HAPLN3: variants seen among roughly 807,000 people sequenced by gnomAD.
HAPLN3 encodes the protein hyaluronan and proteoglycan link protein 3, also known as extracellular link domain containing, 1.
In HAPLN3, 28 loss-of-function variants were observed where a neutral mutation model predicts 28.1. The observed-to-expected ratio is 1.00, with a 90% CI of 0.74 to 1.37. HAPLN3 has a LOEUF of 1.37. Among genes scored for constraint, HAPLN3 ranks in the 40% most tolerant of loss-of-function variants. The probability of loss-of-function intolerance (pLI) is 0.00; values close to 1 mark genes in which losing one functional copy is unlikely to be tolerated. For synonymous variants in HAPLN3, 211 were observed against 213.1 expected (o/e 0.99, Z 0.09); for missense variants, 513 against 504.6 (o/e 1.02, Z -0.16).
intron 2 of HAPLN3, among the ~76,000 whole-genome samples, chr15:88,885,924 A>G (rs183272278): frequency 2.6e-5 from 4 of 152,270 alleles, no homozygotes; most frequent in African/African-American, 9.6e-5. Context: ...TGACCTGGAC[A>G]ACTGGATCAA....
In HAPLN3 at chr15:88,879,131, C is replaced by A; in HGVS notation, c.632G>T (p.Trp211Leu). ...ATCCTGCAGCCAGCCCGCGTTGCAC[C>A]AGTCCAGGCCCTCCTCCCAGGCCCG... ...LFRAWEEGLD[W>L]CNAGWLQDAT... is the part of the protein sequence containing the mutation. The change falls in exon 4 of 5, where the codon TGG becomes TTG. Residue 211 changes from tryptophan to leucine, a missense_variant. Coordinates refer to ENST00000359595, the MANE Select transcript of HAPLN3 (RefSeq NM_178232.4). The surrounding 1 kb of genome is among the most constrained non-coding windows in gnomAD (Gnocchi z 5.0). 6.2e-7 allele frequency: 1 copy of A among 1,613,610 alleles called. No homozygotes were observed. Among genetic ancestry groups the A allele is most frequent in the African/African-American group, 1.3e-5 (1 of 75,072 alleles).
Position 88,888,214 on chromosome 15 carries a change from C to A in HAPLN3, c.-47-869G>T, listed in dbSNP as rs996799018. ...TCAAGAAATTCTCCTGCCTCAGCCT[C>A]CCGAGTAGCTGGGACTACAGGTGCG... is the stretch of plus-strand genomic sequence containing the variant. On this transcript the variant is annotated intron_variant, in intron 1 of 4. Transcript: ENST00000359595. The surrounding 1 kb of genome is among the most constrained non-coding windows in gnomAD (Gnocchi z 4.1). Among the ~76,000 whole-genome samples, 1 of 151,436 alleles carries A rather than the reference C, an allele frequency of 6.6e-6. No individual in the cohort carries two copies.
At position 88,877,641 on chromosome 15, in the gene HAPLN3, C is replaced by T. The variant is rs1024655327; in HGVS notation, c.*329G>A. On this transcript the variant is annotated 3_prime_UTR_variant, in exon 5 of 5. Coordinates refer to ENST00000359595, the MANE Select transcript of HAPLN3 (RefSeq NM_178232.4). This position sits in a 1 kb window ranked among gnomAD's most constrained non-coding sequence, Gnocchi z 5.1. ...ACTGTGCCCACCATGCCCGGACTCC[C>T]GGCGGCATTCTAGACAGGCCACCGC... 23 of 245,710 alleles carry T rather than the reference C, an allele frequency of 9.4e-5. No individual in the cohort carries two copies. The highest frequency in any genetic ancestry group is 3.8e-4 in the East Asian group (4 of 10,526). 15.2% of individuals were successfully genotyped at this position (245,710 alleles called of 1,614,324 possible).
Position 88,881,353 on chromosome 15 carries a change from T to C in HAPLN3, c.493+4A>G, listed in dbSNP as rs769842936. Reference sequence around the variant, plus strand: ...GTGTCACCCAGTCCCCGTTAGCATCTCACCCCGCAGCTCCAGCTCCACCAG... The same window carrying C: ...GTGTCACCCAGTCCCCGTTAGCATCCCACCCCGCAGCTCCAGCTCCACCAG... On this transcript the variant is annotated splice_donor_region_variant and intron_variant, in intron 3 of 4. Coordinates refer to ENST00000359595, the MANE Select transcript of HAPLN3 (RefSeq NM_178232.4). This position sits in a 1 kb window ranked among gnomAD's most constrained non-coding sequence, Gnocchi z 6.0. 1.2e-6 allele frequency: 2 copies of C among 1,607,514 alleles called. No homozygotes were observed. The highest frequency in any genetic ancestry group is 1.7e-6 in the Non-Finnish European group (2 of 1,176,634).
In HAPLN3 at chr15:88,887,233, G is replaced by A. The variant is rs370212980; in HGVS notation, c.66C>T (p.Asn22=). The A allele has an allele frequency of 2.1e-5, 34 of 1,614,052 alleles. No homozygotes were observed. The highest frequency in any genetic ancestry group is 1.6e-4 in the Middle Eastern group (1 of 6,084). Residue 22 remains asparagine (N), a synonymous_variant, in exon 2 of 5, where the codon AAC becomes AAT. Transcript: ENST00000359595. ...TGGCGCTGTTGGAGTAGTAGAAGCC[G>A]TTGTAGAAGGGCAGTCCGTAGGAGC... ...LPGSYGLPFY[N]GFYYSNSAND... is the part of the protein sequence containing the mutation.
In HAPLN3 at chr15:88,879,229, C is replaced by T. The variant is rs757873802; in HGVS notation, c.534G>A (p.Gln178=). 1 of 1,610,254 alleles carries T rather than the reference C, an allele frequency of 6.2e-7. No individual in the cohort carries two copies. Among genetic ancestry groups the T allele is most frequent in the Non-Finnish European group, 8.5e-7 (1 of 1,177,818 alleles). ...CCTGCTGGCCCTCGTGGAAGTTGAA[C>T]TGGTAGCGCCCGTTGGGGGACTGGT... ...FPYQSPNGRY[Q]FNFHEGQQVC... is the part of the protein sequence containing the mutation. The change falls in exon 4 of 5, where the codon CAG becomes CAA. Residue 178 remains glutamine, a synonymous_variant. Transcript: ENST00000359595. This position sits in a 1 kb window ranked among gnomAD's most constrained non-coding sequence, Gnocchi z 5.0.
At chr15:88,884,442 T>G (rs1412801106) in intron 2 of HAPLN3, among the ~76,000 whole-genome samples, 1 of 151,860 alleles carries the variant, frequency 6.6e-6, no homozygotes. Flanking sequence ...CGGATGCCTG[T>G]AGTCCCAGCT....
chr15:88,893,192 G>A, intron 1 of HAPLN3: 1 of 678,950 alleles, frequency 1.5e-6, no homozygotes, highest in Admixed American at 2.0e-5. Context: ...CTGAGGGGGT[G>A]GATCACCTGA....
chr15:88,890,753 G>T (rs1897990901), intron 1 of HAPLN3, among the ~76,000 whole-genome samples: 1 of 152,184 alleles, frequency 6.6e-6, no homozygotes, highest in Non-Finnish European at 1.5e-5. Flanking sequence ...ACAGTATCCA[G>T]CTTAGAGTCA....
In HAPLN3 at chr15:88,887,156, G is replaced by C; in HGVS notation, c.124+19C>G. The C allele has an allele frequency of 6.2e-7, 1 of 1,613,966 alleles. No individual in the cohort carries two copies. Among genetic ancestry groups the C allele is most frequent in the East Asian group, 2.2e-5 (1 of 44,860 alleles). On this transcript the variant is annotated intron_variant, in intron 2 of 4. Coordinates refer to ENST00000359595, the MANE Select transcript of HAPLN3 (RefSeq NM_178232.4). Reference sequence around the variant, plus strand: ...GGTCACCCAGGGGAGCAAAGAGCCGGGTGCAGGAGGTCGCCTACCTTTGCC... The same window carrying C: ...GGTCACCCAGGGGAGCAAAGAGCCGCGTGCAGGAGGTCGCCTACCTTTGCC...
rs780880802 is a variant in HAPLN3, at chr15:88,881,649, G to A, written c.201C>T (p.Ile67=). 5.6e-6 allele frequency: 9 copies of A among 1,613,828 alleles called. No individual in the cohort carries two copies. Among genetic ancestry groups the A allele is most frequent in the Admixed American group, 3.3e-5 (2 of 60,010 alleles). ...TLFTYQGASV[I]LPCRYRYEPA... is the part of the protein sequence containing the mutation. Reference sequence around the variant, plus strand: ...GCTCGTAGCGGTAGCGGCAGGGCAGGATCACACTGGCCCCTTGGTAGGTGA... The same window carrying A: ...GCTCGTAGCGGTAGCGGCAGGGCAGAATCACACTGGCCCCTTGGTAGGTGA... The change falls in exon 3 of 5, where the codon ATC becomes ATT. Residue 67 remains isoleucine, a synonymous_variant. Coordinates refer to ENST00000359595, the MANE Select transcript of HAPLN3 (RefSeq NM_178232.4). This position sits in a 1 kb window ranked among gnomAD's most constrained non-coding sequence, Gnocchi z 6.0.
intron 2 of HAPLN3, among the ~76,000 whole-genome samples, chr15:88,882,510 C>T (rs1449827643): frequency 6.6e-6 from 1 of 152,196 alleles, no homozygotes; most frequent in Non-Finnish European, 1.5e-5. Context: ...TACGGAGCAG[C>T]CTACTGAGCT....
chr15:88,888,000 A>G (rs957694409), intron 1 of HAPLN3, among the ~76,000 whole-genome samples: 2 of 152,076 alleles, frequency 1.3e-5, no homozygotes, highest in African/African-American at 4.8e-5. Context: ...AAAGAAAGGT[A>G]TGAGCAGCAC....
chr15:88,887,132 G>A (rs1347391041), intron 2 of HAPLN3, 43 bp downstream of exon 2: 1 of 1,608,614 alleles, frequency 6.2e-7, no homozygotes, highest in Admixed American at 1.7e-5. Context: ...GGAGGTCTAG[G>A]TCACCCAGGG....
intron 1 of HAPLN3, among the ~76,000 whole-genome samples, chr15:88,891,157 G>A (rs1205771640): frequency 2.0e-5 from 3 of 152,178 alleles, no homozygotes; most frequent in Non-Finnish European, 4.4e-5. Flanking sequence ...TGGGATTACA[G>A]GCGTGAGCCA....
chr15:88,878,398 A>C lies in HAPLN3; in HGVS notation c.797-142T>G, dbSNP rs190662931. On this transcript the variant is annotated intron_variant, in intron 4 of 4. Transcript: ENST00000359595. ...CAGGCATCTGCAGAGAACACTTTCT[A>C]ATCTTCACCCTGTCCCAGAGAGCTC... The C allele has an allele frequency of 4.4e-4, 331 of 751,808 alleles. 1 individual carries two copies. Among genetic ancestry groups the C allele is most frequent in the East Asian group, 4.3e-3 (163 of 37,742 alleles). The allele number at this position is 751,808 out of a possible 1,614,324, so 46.6% of individuals were successfully genotyped here. A position where few individuals can be genotyped will look rare whatever the true frequency, so the allele number is the denominator to read the frequency against.
chr15:88,885,026 T>G (rs1475718103), intron 2 of HAPLN3, among the ~76,000 whole-genome samples: 2 of 152,282 alleles, frequency 1.3e-5, no homozygotes, highest in South Asian at 2.1e-4. Flanking sequence ...AATACATTTC[T>G]GTTGTTTCAA....
intron 2 of HAPLN3, among the ~76,000 whole-genome samples, chr15:88,886,371 A>C (rs1387756719): frequency 6.8e-6 from 1 of 146,996 alleles, no homozygotes; most frequent in African/African-American, 2.6e-5. Context: ...AAAAAAAGGT[A>C]TATTTTCACC....
chr15:88,880,102 C>T lies in HAPLN3; in HGVS notation c.494-833G>A, dbSNP rs148232110. ...GGCACCTGGGCAAAGCCAGGTTGGG[C>T]GGCAGAGAAGCCCATGGGCCCTGAC... On this transcript the variant is annotated intron_variant, in intron 3 of 4. Transcript: ENST00000359595. This position sits in a 1 kb window ranked among gnomAD's most constrained non-coding sequence, Gnocchi z 6.0. 134 of 991,776 alleles carry T rather than the reference C, an allele frequency of 1.4e-4. 1 individual carries two copies. In the African/African-American group the frequency reaches 2.1e-3, roughly 15 times the overall value. 61.4% of individuals were successfully genotyped at this position (991,776 alleles called of 1,614,324 possible).
Sources: allele counts gnomAD v4.1 joint callset (sites outside exome capture counted in the v4.1 genomes callset), GRCh38; gene constraint gnomAD v4.1.1; non-coding constraint Gnocchi (gnomAD v3.1); transcripts MANE v1.5; gene names NCBI Gene and HGNC (gene_info 2026-07-23, HGNC 2026-07-21).